Variants in RAPGEF1 observed in about 807,000 individuals in gnomAD.
RAPGEF1 encodes the protein Rap guanine nucleotide exchange factor 1.
Under a neutral mutation model 143.3 loss-of-function variants are expected in RAPGEF1, and 33 were observed. The ratio of observed to expected loss-of-function variants is 0.23; its 90% confidence interval spans 0.17 to 0.31. The LOEUF (loss-of-function observed/expected upper bound fraction) is 0.31. Among genes scored for constraint, RAPGEF1 ranks in the 10% least tolerant of loss-of-function variants. The probability of loss-of-function intolerance (pLI) is 1.00; values close to 1 mark genes in which losing one functional copy is unlikely to be tolerated. For missense variants in RAPGEF1, 1,199 were observed against 1,645.4 expected (o/e 0.73, Z 4.69); for synonymous variants, 629 against 676.5 (o/e 0.93, Z 1.09).
rs754884637 is a variant in RAPGEF1 at position 131,621,833 on chromosome 9, G to C, written c.1868C>G (p.Ala623Gly). 6 of 1,610,344 alleles carry C rather than the reference G, an allele frequency of 3.7e-6. No homozygotes were observed. In the Admixed American group the frequency reaches 1.0e-4, roughly 27 times the overall value. The change falls in exon 11 of 27, where the codon GCC (alanine) becomes GGC (glycine). Residue 623 changes from alanine to glycine, a missense_variant. Around this residue, in one of 6 missense-constraint regions of RAPGEF1, gnomAD observed 293 missense variants for 356.2 expected, o/e 0.82. Transcript: ENST00000683357. This position sits in a 1 kb window ranked among gnomAD's most constrained non-coding sequence, Gnocchi z 4.5. ...FSGVDSVQEL[A>G]PPPALPPKQR... ...CTTGGGGGGTAGGGCGGGCGGCGGGGCCAGCTCCTGCACGGAGTCCACCCC... is the reference window on the plus strand; with the variant it reads ...CTTGGGGGGTAGGGCGGGCGGCGGGCCCAGCTCCTGCACGGAGTCCACCCC...
At position 131,670,376 on chromosome 9, in the gene RAPGEF1, G is replaced by T. The variant is rs547752400; in HGVS notation, c.62-19427C>A. On this transcript the variant is annotated intron_variant, in intron 1 of 26. Transcript: ENST00000683357. ...TCACCACCATCCTGTCCCCACCCTC[G>T]CTTCTGACGCAGATGCCACAATCTT... 2.7e-3 allele frequency among the ~76,000 whole-genome samples: 414 copies of T among 152,234 alleles called. 2 individuals carry two copies. Among genetic ancestry groups the T allele is most frequent in the Admixed American group, 6.1e-3 (94 of 15,290 alleles).
At chr9:131,603,829 A>G (rs990911516) in intron 14 of RAPGEF1, 132 bp downstream of exon 14, 17 of 429,892 alleles carry the variant, frequency 4.0e-5, no homozygotes, top group African/African-American at 2.8e-4. Context: ...AGCCTGCAGG[A>G]GCCCAGTCTG....
chr9:131,723,902 C>G (rs1206945205), intron 1 of RAPGEF1, among the ~76,000 whole-genome samples: 1 of 152,224 alleles, frequency 6.6e-6, no homozygotes, highest in Non-Finnish European at 1.5e-5. Flanking sequence ...GCCAACAGCG[C>G]ACAAGTGTTC....
At chr9:131,668,102 TCGTCAGGTAAA>T (rs1301656831) in intron 1 of RAPGEF1, among the ~76,000 whole-genome samples, 5 of 152,300 alleles carry the variant, frequency 3.3e-5, no homozygotes, top group African/African-American at 1.2e-4. Flanking sequence ...CCCACAGCCC[TCGTCAGGTAAA>T]CTTTTCCGCG....
rs774785151 is a variant in RAPGEF1 at position 131,622,011 on chromosome 9, G to A, written c.1703-13C>T. 9 of 1,610,316 alleles carry A rather than the reference G, an allele frequency of 5.6e-6. No homozygotes were observed. The highest frequency in any genetic ancestry group is 6.8e-6 in the Non-Finnish European group (8 of 1,178,202). ...ATGTAGGCCAGCACTGTGAAACAAG[G>A]GAGAAAGCTGCAGCGAGGCCGGGGG... On this transcript the variant is annotated splice_polypyrimidine_tract_variant and intron_variant, in intron 10 of 26. Transcript: ENST00000683357.
intron 1 of RAPGEF1, among the ~76,000 whole-genome samples, chr9:131,660,552 C>A (rs953612430): frequency 6.6e-6 from 1 of 152,078 alleles, no homozygotes; most frequent in Non-Finnish European, 1.5e-5. Flanking sequence ...TGCAGTCAGG[C>A]CCCCGAATGA....
At chr9:131,703,104 C>A (rs1834786195) in intron 1 of RAPGEF1, among the ~76,000 whole-genome samples, 1 of 152,200 alleles carries the variant, frequency 6.6e-6, no homozygotes, top group South Asian at 2.1e-4. Context: ...GCCCAGGAGG[C>A]AGAGGCTGCA....
chr9:131,600,308 T>C (rs555606488), intron 15 of RAPGEF1, among the ~76,000 whole-genome samples: 1 of 152,290 alleles, frequency 6.6e-6, no homozygotes, highest in African/African-American at 2.4e-5. Flanking sequence ...ACGAGAACCA[T>C]CTGGAACTCT....
chr9:131,582,568 C>A, intron 25 of RAPGEF1, 37 bp downstream of exon 25: 1 of 1,428,484 alleles, frequency 7.0e-7, no homozygotes, highest in Non-Finnish European at 9.3e-7. Flanking sequence ...GAGGCAAACC[C>A]AGGCGGGGCT....
At chr9:131,693,606 T>C (rs921047197) in intron 1 of RAPGEF1, among the ~76,000 whole-genome samples, 1 of 152,182 alleles carries the variant, frequency 6.6e-6, no homozygotes, top group South Asian at 2.1e-4. Context: ...TTTCTTTCTA[T>C]AAAACCAACC....
chr9:131,725,871 G>T (rs1836628723), intron 1 of RAPGEF1, among the ~76,000 whole-genome samples: 1 of 147,302 alleles, frequency 6.8e-6, no homozygotes, highest in African/African-American at 2.5e-5. Flanking sequence ...CCATTCTCCT[G>T]CCTCAGCCTC....
chr9:131,677,689 C>T (rs887062722), intron 1 of RAPGEF1, among the ~76,000 whole-genome samples: 3 of 152,238 alleles, frequency 2.0e-5, no homozygotes, highest in African/African-American at 4.8e-5. Context: ...CTAAAATTAG[C>T]TTCCTCCCTT....
intron 1 of RAPGEF1, among the ~76,000 whole-genome samples, chr9:131,700,405 T>C (rs1346024717): frequency 6.6e-6 from 1 of 152,164 alleles, no homozygotes; most frequent in Non-Finnish European, 1.5e-5. Flanking sequence ...CCTGTCCCCT[T>C]CCCTGGCTCC....
In RAPGEF1 at chr9:131,684,090, T is replaced by A. The variant is rs78968538; in HGVS notation, c.62-33141A>T. Among the ~76,000 whole-genome samples, 1,942 of 152,372 alleles carry A rather than the reference T, an allele frequency of 0.013. 76 individuals carry two copies. In the East Asian group the frequency reaches 0.14, roughly 11 times the overall value. ...TCTCAAACGCAGATACAGCATTACCTGGAAAGAAGCTAAAGCTATTGTCCA... is the reference window on the plus strand; with the variant it reads ...TCTCAAACGCAGATACAGCATTACCAGGAAAGAAGCTAAAGCTATTGTCCA... On this transcript the variant is annotated intron_variant, in intron 1 of 26. Transcript: ENST00000683357.
At chr9:131,631,531 G>T (rs1276077000) in intron 5 of RAPGEF1, among the ~76,000 whole-genome samples, 4 of 152,218 alleles carry the variant, frequency 2.6e-5, no homozygotes, top group Non-Finnish European at 5.9e-5. Flanking sequence ...ATCTGGCCTG[G>T]CCAGGGCCTG....
At chr9:131,591,961 C>CCTACTTCAA (rs1954353382) in intron 18 of RAPGEF1, 138 bp downstream of exon 18, 1 of 609,984 alleles carries the variant, frequency 1.6e-6, no homozygotes, top group Admixed American at 3.0e-5. Context: ...GTCCATGGGG[C>CCTACTTCAA]TCCTGTGTCC....
intron 17 of RAPGEF1, among the ~76,000 whole-genome samples, chr9:131,592,431 G>T (rs912035616): frequency 1.3e-5 from 2 of 152,186 alleles, no homozygotes; most frequent in Middle Eastern, 3.2e-3. Flanking sequence ...ACAGGAAAGG[G>T]TTTTATCTCA....
chr9:131,617,797 G>A (rs1013915243), intron 12 of RAPGEF1, among the ~76,000 whole-genome samples: 2 of 152,184 alleles, frequency 1.3e-5, no homozygotes, highest in Admixed American at 6.5e-5. Context: ...TTTGGCGGGG[G>A]GCCATGGGGG....
chr9:131,589,433 A>G (rs1391617363), intron 19 of RAPGEF1, among the ~76,000 whole-genome samples: 2 of 152,216 alleles, frequency 1.3e-5, no homozygotes, highest in Non-Finnish European at 2.9e-5. Flanking sequence ...CTCCCCCAGC[A>G]GGAGGAAGGC....
Sources: allele counts gnomAD v4.1 joint callset (sites outside exome capture counted in the v4.1 genomes callset), GRCh38; gene constraint gnomAD v4.1.1; regional missense constraint gnomAD v4.1.1; non-coding constraint Gnocchi (gnomAD v3.1); transcripts MANE v1.5; gene names NCBI Gene and HGNC (gene_info 2026-07-23, HGNC 2026-07-21).